ZMPSTE24: variants seen among roughly 807,000 people sequenced by gnomAD.
ZMPSTE24 encodes the protein CAAX prenyl protease 1 homolog.
In ZMPSTE24, 48 loss-of-function variants were observed where a neutral mutation model predicts 56.7. The observed-to-expected ratio is 0.85, with a 90% CI of 0.67 to 1.08. The LOEUF (loss-of-function observed/expected upper bound fraction) is 1.08, where lower values mean the gene tolerates loss of function less well. Among genes scored for constraint, ZMPSTE24 ranks in the 50% least tolerant of loss-of-function variants. The probability of loss-of-function intolerance (pLI) is 0.00; values close to 1 mark genes in which losing one functional copy is unlikely to be tolerated. For missense variants in ZMPSTE24, 503 were observed against 548.7 expected, an observed-to-expected ratio of 0.92 and a Z score of 0.83; for synonymous variants, 172 against 195.2, an observed-to-expected ratio of 0.88 and a Z score of 0.99.
At chr1:40,273,556 ATATATATATATATG>A (rs1643637558) in intron 6 of ZMPSTE24, among the ~76,000 whole-genome samples, 2 of 119,606 alleles carry the variant, frequency 1.7e-5, no homozygotes, top group South Asian at 5.5e-4. Flanking sequence ...ATATATATAT[ATATATATATATATG>A]TCAGACATTT....
chr1:40,269,396 A>T (rs1051040515), intron 4 of ZMPSTE24, among the ~76,000 whole-genome samples: 5 of 142,230 alleles, frequency 3.5e-5, no homozygotes, highest in Non-Finnish European at 6.2e-5. Flanking sequence ...CCTGTCTCTT[A>T]AAAAAAAAAA....
At chr1:40,281,611 C>T in intron 7 of ZMPSTE24, 84 bp downstream of exon 7, 1 of 1,404,416 alleles carries the variant, frequency 7.1e-7, no homozygotes, top group Non-Finnish European at 9.9e-7. Flanking sequence ...AATTTCTAGG[C>T]AGTGAGTGTT....
chr1:40,266,968 A>T (rs1293982822), intron 2 of ZMPSTE24, among the ~76,000 whole-genome samples: 2 of 151,570 alleles, frequency 1.3e-5, no homozygotes, highest in Non-Finnish European at 2.9e-5. Context: ...AGGTTTCACC[A>T]TGTTGTCCAG....
intron 2 of ZMPSTE24, chr1:40,262,875 A>G: frequency 8.6e-7 from 1 of 1,166,262 alleles, no homozygotes; most frequent in Non-Finnish European, 1.1e-6. Flanking sequence ...CTACCTGAAG[A>G]AGTAATACTC....
chr1:40,259,563 T>C (rs1273498980), intron 1 of ZMPSTE24: 1 of 152,214 alleles, frequency 6.6e-6, no homozygotes, highest in Non-Finnish European at 1.5e-5. Flanking sequence ...CTAATTTTAG[T>C]ATTTTTAGTA....
At chr1:40,284,996 G>A (rs1643771761) in intron 7 of ZMPSTE24, among the ~76,000 whole-genome samples, 1 of 148,244 alleles carries the variant, frequency 6.7e-6, no homozygotes, top group Non-Finnish European at 1.5e-5. Flanking sequence ...CGTGATCTTG[G>A]CTCACTACAG....
At chr1:40,292,294 C>A in intron 9 of ZMPSTE24, 151 bp from the exon 10 acceptor site, 1 of 700,232 alleles carries the variant, frequency 1.4e-6, no homozygotes. Context: ...ATAATTTCCT[C>A]ACCCTAGGTC....
chr1:40,262,261 G>C (rs980768654), intron 2 of ZMPSTE24, among the ~76,000 whole-genome samples: 1 of 152,150 alleles, frequency 6.6e-6, no homozygotes, highest in Admixed American at 6.5e-5. Flanking sequence ...ATTAGAAACT[G>C]CACTTATTTC....
intron 6 of ZMPSTE24, among the ~76,000 whole-genome samples, 171 bp from the exon 7 acceptor site, chr1:40,281,172 A>C (rs1643724977): frequency 6.6e-6 from 1 of 152,226 alleles, no homozygotes; most frequent in African/African-American, 2.4e-5. Flanking sequence ...ATTGGCAAAA[A>C]ACAGACACTC....
At chr1:40,287,606 C>G (rs538250408) in intron 8 of ZMPSTE24, among the ~76,000 whole-genome samples, 54 of 150,196 alleles carry the variant, frequency 3.6e-4, no homozygotes, top group African/African-American at 1.3e-3. Flanking sequence ...ACCCAGGAGG[C>G]AGAGGTTGCA....
chr1:40,285,049 CTGAGTAGCTG>C (rs1643772295), intron 7 of ZMPSTE24, among the ~76,000 whole-genome samples: 1 of 151,032 alleles, frequency 6.6e-6, no homozygotes, highest in Non-Finnish European at 1.5e-5. Context: ...CCTCAGCCTC[CTGAGTAGCTG>C]GGATTACAGG....
At chr1:40,285,124 T>A (rs1462337699) in intron 7 of ZMPSTE24, among the ~76,000 whole-genome samples, 1 of 147,608 alleles carries the variant, frequency 6.8e-6, no homozygotes, top group Non-Finnish European at 1.5e-5. Context: ...ATTATTATTT[T>A]GAGATGGAGT....
chr1:40,275,285 A>AAAAAAAAAG (rs1643657075), intron 6 of ZMPSTE24, among the ~76,000 whole-genome samples: 5 of 148,544 alleles, frequency 3.4e-5, no homozygotes, highest in African/African-American at 1.2e-4. Context: ...AAAAAAAAAA[A>AAAAAAAAAG]AAGCCGGGCG....
intron 7 of ZMPSTE24, among the ~76,000 whole-genome samples, chr1:40,282,632 G>A (rs148494455): frequency 3.9e-5 from 6 of 152,260 alleles, no homozygotes; most frequent in South Asian, 2.1e-4. Flanking sequence ...GTGTGCCACC[G>A]CACCCCGCCA....
chr1:40,279,752 C>T (rs1472722096), intron 6 of ZMPSTE24, among the ~76,000 whole-genome samples: 1 of 151,864 alleles, frequency 6.6e-6, no homozygotes, highest in Non-Finnish European at 1.5e-5. Context: ...TGGTTGCAGG[C>T]GTTGCAATTT....
chr1:40,291,524 T>C (rs543493246), intron 9 of ZMPSTE24, among the ~76,000 whole-genome samples: 35 of 152,312 alleles, frequency 2.3e-4, no homozygotes, highest in African/African-American at 6.7e-4. Context: ...GGGTATTCCG[T>C]GTGAGTGATA....
At chr1:40,291,261 G>A (rs1437654915) in intron 9 of ZMPSTE24, among the ~76,000 whole-genome samples, 1 of 152,192 alleles carries the variant, frequency 6.6e-6, no homozygotes, top group African/African-American at 2.4e-5. Context: ...CTCGGTAGAT[G>A]GAGATTAACT....
chr1:40,278,962 A>G (rs1317237397), intron 6 of ZMPSTE24, among the ~76,000 whole-genome samples: 1 of 152,154 alleles, frequency 6.6e-6, no homozygotes, highest in East Asian at 1.9e-4. Flanking sequence ...CAGCCTGGGC[A>G]ACATAGCAAG....
Position 40,293,106 on chromosome 1 carries a change from T to G in ZMPSTE24, c.*437T>G, listed in dbSNP as rs1224160358. On this transcript the variant is annotated 3_prime_UTR_variant, in exon 10 of 10. Transcript: ENST00000372759. ...AACTTGAAATCTGGTCTTACTTTCATGCTGTTATGATTTCACCTGGTGAAT... is the reference window on the plus strand; with the variant it reads ...AACTTGAAATCTGGTCTTACTTTCAGGCTGTTATGATTTCACCTGGTGAAT... 6.0e-6 allele frequency: 1 copy of G among 166,226 alleles called. No homozygotes were observed. The highest frequency in any genetic ancestry group is 2.4e-5 in the African/African-American group (1 of 41,552). 10.3% of individuals were successfully genotyped at this position (166,226 alleles called of 1,614,324 possible).
Sources: gnomAD v4.1 joint callset for allele counts (sites outside exome capture counted in the v4.1 genomes callset) on GRCh38, gnomAD v4.1.1 for gene constraint, MANE v1.5 for transcripts, NCBI Gene and HGNC (gene_info 2026-07-23, HGNC 2026-07-21) for gene names.